The following CLYBL variants were observed in gnomAD, a reference collection of about 807,000 sequenced individuals.
CLYBL encodes citramalyl-CoA lyase, mitochondrial.
In CLYBL, 31 loss-of-function variants were observed where a neutral mutation model predicts 38.9. That is an observed-to-expected ratio of 0.80 (90% confidence interval 0.60 to 1.08). The LOEUF (loss-of-function observed/expected upper bound fraction) is 1.08. Among genes scored for constraint, CLYBL ranks in the 50% least tolerant of loss-of-function variants. CLYBL has a pLI of 0.00. For missense variants in CLYBL, 434 were observed against 411.6 expected, an observed-to-expected ratio of 1.05 and a Z score of -0.47; for synonymous variants, 171 against 158.6, an observed-to-expected ratio of 1.08 and a Z score of -0.59.
At chr13:99,722,577 GTGAA>G (rs996639937) in intron 1 of CLYBL, among the ~76,000 whole-genome samples, 2 of 152,178 alleles carry the variant, frequency 1.3e-5, no homozygotes, top group African/African-American at 4.8e-5. Context: ...GAATGAATGA[GTGAA>G]TGAATGAATG....
chr13:99,827,425 A>G (rs918455781), intron 2 of CLYBL, among the ~76,000 whole-genome samples: 3 of 152,258 alleles, frequency 2.0e-5, no homozygotes, highest in South Asian at 4.1e-4. Flanking sequence ...GGTCTTGTTG[A>G]TGAGGAATGT....
chr13:99,696,966 T>C (rs1356992829), intron 1 of CLYBL, among the ~76,000 whole-genome samples: 14 of 152,236 alleles, frequency 9.2e-5, no homozygotes, highest in Non-Finnish European at 2.1e-4. Context: ...GTCTTCTCTG[T>C]TTCAACAGAG....
chr13:99,708,938 C>A (rs945325284), intron 1 of CLYBL, among the ~76,000 whole-genome samples: 1 of 151,828 alleles, frequency 6.6e-6, no homozygotes, highest in African/African-American at 2.4e-5. Context: ...ACTAAAAATA[C>A]AAAAATTAGC....
chr13:99,889,203 C>T (rs1029389152), intron 7 of CLYBL, among the ~76,000 whole-genome samples: 2 of 152,166 alleles, frequency 1.3e-5, no homozygotes, highest in Non-Finnish European at 2.9e-5. Flanking sequence ...CTCTGCGCAC[C>T]GTTTTGATTT....
rs9517858 is a variant in CLYBL at position 99,721,626 on chromosome 13, C to A, written c.63-51198C>A. Among the ~76,000 whole-genome samples, 7 of 112,060 alleles carry A rather than the reference C, an allele frequency of 6.2e-5. No homozygotes were observed. In the South Asian group the frequency reaches 1.3e-3, roughly 21 times the overall value. The allele number at this position is 112,060 out of a possible 152,430, so 73.5% of individuals were successfully genotyped here. A position where few individuals can be genotyped will look rare whatever the true frequency, so the allele number is the denominator to read the frequency against. On this transcript the variant is annotated intron_variant, in intron 1 of 8. Transcript: ENST00000339105. Reference sequence around the variant, plus strand: ...ATATCTCCTAATGCTGTCCCTCCCCCCTCCCCCTCTAATTTTTATTTTCAA... The same window carrying A: ...ATATCTCCTAATGCTGTCCCTCCCCACTCCCCCTCTAATTTTTATTTTCAA...
At chr13:99,692,298 TTG>T (rs1555353011) in intron 1 of CLYBL, among the ~76,000 whole-genome samples, 2 of 147,328 alleles carry the variant, frequency 1.4e-5, no homozygotes, top group African/African-American at 5.3e-5. Context: ...TTTTTTTTTT[TTG>T]TTTGTTTTTT....
At position 99,864,842 on chromosome 13, in the gene CLYBL, G is replaced by A; in HGVS notation, c.565G>A (p.Val189Ile). 3 of 1,613,906 alleles carry A rather than the reference G, an allele frequency of 1.9e-6. No individual in the cohort carries two copies. The highest frequency in any genetic ancestry group is 2.5e-6 in the Non-Finnish European group (3 of 1,179,870). Residue 189 changes from valine to isoleucine, a missense_variant, in exon 5 of 9, where the codon GTC becomes ATC. Val to Ile is a conservative substitution (Grantham distance 29). Coordinates refer to ENST00000339105, the MANE Select transcript of CLYBL (RefSeq NM_206808.5). The stretch of plus-strand genomic sequence containing the variant: ...GGCAGTGTGTGAAGAAACCCTGAAG[G>A]TCGGGCCTCAAGTAGGTCTCTTTCT... ...FKAVCEETLK[V>I]GPQVGLFLDA...
intron 1 of CLYBL, among the ~76,000 whole-genome samples, chr13:99,657,708 T>G (rs960569319): frequency 6.6e-6 from 1 of 152,188 alleles, no homozygotes; most frequent in African/African-American, 2.4e-5. Flanking sequence ...TTTTTTCTTT[T>G]TTGGAAATAT....
chr13:99,794,411 A>C (rs2049980330), intron 2 of CLYBL, among the ~76,000 whole-genome samples: 1 of 152,042 alleles, frequency 6.6e-6, no homozygotes, highest in South Asian at 2.1e-4. Flanking sequence ...CAAGAGCAAG[A>C]CTCCATCTCA....
chr13:99,764,887 G>A (rs919235755), intron 1 of CLYBL, among the ~76,000 whole-genome samples: 1 of 150,360 alleles, frequency 6.7e-6, no homozygotes, highest in Non-Finnish European at 1.5e-5. Context: ...CACAGGTCTC[G>A]CTATGTTGTC....
At chr13:99,681,089 A>C (rs2047727502) in intron 1 of CLYBL, among the ~76,000 whole-genome samples, 1 of 152,248 alleles carries the variant, frequency 6.6e-6, no homozygotes, top group African/African-American at 2.4e-5. Context: ...CTAAGAAGGA[A>C]GTAGTGCTGT....
In CLYBL at chr13:99,606,768, G is replaced by A; in HGVS notation, c.62+11G>A. On this transcript the variant is annotated intron_variant, in intron 1 of 8. Coordinates refer to ENST00000339105, the MANE Select transcript of CLYBL (RefSeq NM_206808.5). Reference sequence around the variant, plus strand: ...GGCGCTGCTGAGGCTGTGAGTGCAGGTCCCCGTTCCCCGCCTTCCCGGCCC... The same window carrying A: ...GGCGCTGCTGAGGCTGTGAGTGCAGATCCCCGTTCCCCGCCTTCCCGGCCC... 1 of 1,422,830 alleles carries A rather than the reference G, an allele frequency of 7.0e-7. No homozygotes were observed. Among genetic ancestry groups the A allele is most frequent in the South Asian group, 1.5e-5 (1 of 68,820 alleles). 88.1% of individuals were successfully genotyped at this position (1,422,830 alleles called of 1,614,324 possible).
downstream of CLYBL, among the ~76,000 whole-genome samples, chr13:99,898,863 C>T (rs1363153530): frequency 2.6e-5 from 4 of 152,108 alleles, no homozygotes; most frequent in Non-Finnish European, 5.9e-5. Flanking sequence ...TGTGTGTGTC[C>T]CCAAAAAATA....
At chr13:99,779,299 C>T (rs1450304436) in intron 2 of CLYBL, among the ~76,000 whole-genome samples, 5 of 151,936 alleles carry the variant, frequency 3.3e-5, no homozygotes, top group Admixed American at 6.6e-5. Context: ...CCTGCCACCA[C>T]GCCCAGTTAA....
intron 1 of CLYBL, among the ~76,000 whole-genome samples, chr13:99,736,099 C>A (rs183633904): frequency 8.0e-6 from 1 of 125,262 alleles, no homozygotes; most frequent in African/African-American, 3.1e-5. Context: ...GGCTGGAGTG[C>A]AGTAGCGCAA....
At chr13:99,778,290 A>G (rs1485314631) in intron 2 of CLYBL, among the ~76,000 whole-genome samples, 5 of 152,144 alleles carry the variant, frequency 3.3e-5, no homozygotes, top group Non-Finnish European at 5.9e-5. Context: ...CATAGAGACC[A>G]TTTTTAGTGA....
intron 2 of CLYBL, among the ~76,000 whole-genome samples, chr13:99,855,095 G>A (rs138732438): frequency 9.8e-4 from 149 of 152,214 alleles, no homozygotes; most frequent in Middle Eastern, 6.8e-3. Flanking sequence ...TAGTCTCTTC[G>A]AAGTTCTAAT....
intron 2 of CLYBL, among the ~76,000 whole-genome samples, chr13:99,790,024 G>A (rs1210609658): frequency 6.6e-6 from 1 of 152,016 alleles, no homozygotes; most frequent in African/African-American, 2.4e-5. Context: ...TGCAACCCCT[G>A]CCTTTTTTTG....
At chr13:99,645,327 T>C (rs975548563) in intron 1 of CLYBL, among the ~76,000 whole-genome samples, 2 of 152,022 alleles carry the variant, frequency 1.3e-5, no homozygotes, top group Non-Finnish European at 2.9e-5. Context: ...AAACCCCGTC[T>C]CTACTAAAAA....
Sources: gnomAD v4.1 joint callset for allele counts (sites outside exome capture counted in the v4.1 genomes callset) on GRCh38, gnomAD v4.1.1 for gene constraint, MANE v1.5 for transcripts, NCBI Gene and HGNC (gene_info 2026-07-23, HGNC 2026-07-21) for gene names.